NLGN1: variants seen among roughly 807,000 people sequenced by gnomAD.
The protein encoded by NLGN1 is neuroligin 1, also known as neuroligin-1.
Under a neutral mutation model 65.5 loss-of-function variants are expected in NLGN1, and 12 were observed. That is an observed-to-expected ratio of 0.18 (90% CI 0.12 to 0.30). The LOEUF is 0.30. Ranked by LOEUF, NLGN1 falls within the 10% of genes least tolerant of loss-of-function variation. The pLI, the probability that NLGN1 is intolerant of heterozygous loss-of-function variation, is 1.00. For synonymous variants in NLGN1, 350 were observed against 359.5 expected (o/e 0.97, Z 0.30); for missense variants, 750 against 1,007.1 (o/e 0.74, Z 3.46).
intron 4 of NLGN1, among the ~76,000 whole-genome samples, chr3:174,188,436 G>A (rs1234208232): frequency 2.0e-5 from 3 of 151,978 alleles, no homozygotes; most frequent in Non-Finnish European, 4.4e-5. Context: ...CTAACTACCA[G>A]TGCTTTACAG....
chr3:174,070,408 T>G (rs1338227795), intron 4 of NLGN1, among the ~76,000 whole-genome samples: 2 of 151,882 alleles, frequency 1.3e-5, no homozygotes, highest in Non-Finnish European at 2.9e-5. Context: ...CTCAGCTCAC[T>G]GCAACCTCTG....
At chr3:173,487,614 G>A (rs1728385231) in intron 2 of NLGN1, among the ~76,000 whole-genome samples, 1 of 151,754 alleles carries the variant, frequency 6.6e-6, no homozygotes, top group African/African-American at 2.4e-5. Context: ...TATAATTCAA[G>A]TTATTTATGT....
intron 4 of NLGN1, among the ~76,000 whole-genome samples, chr3:174,143,602 T>G (rs1219457387): frequency 1.3e-5 from 2 of 152,184 alleles, no homozygotes; most frequent in African/African-American, 4.8e-5. Flanking sequence ...TACTTCAGTT[T>G]GACTTTATGA....
chr3:173,903,550 TGTTACTAGAG>T (rs1560594824), intron 4 of NLGN1, among the ~76,000 whole-genome samples: 1 of 152,176 alleles, frequency 6.6e-6, no homozygotes, highest in Non-Finnish European at 1.5e-5. Flanking sequence ...TTTTCCTATT[TGTTACTAGAG>T]GTGACAGATG....
chr3:173,643,043 C>T (rs1757663684), intron 3 of NLGN1, among the ~76,000 whole-genome samples: 1 of 151,954 alleles, frequency 6.6e-6, no homozygotes, highest in South Asian at 2.1e-4. Context: ...ATGAAAAATA[C>T]ATTGAATGTG....
chr3:174,129,211 T>G (rs905198455), intron 4 of NLGN1, among the ~76,000 whole-genome samples: 1 of 151,940 alleles, frequency 6.6e-6, no homozygotes, highest in Admixed American at 6.6e-5. Context: ...CATTCAAGAC[T>G]TAGAAGTGTT....
At chr3:173,663,937 A>G (rs944219427) in intron 3 of NLGN1, among the ~76,000 whole-genome samples, 1 of 151,940 alleles carries the variant, frequency 6.6e-6, no homozygotes, top group Non-Finnish European at 1.5e-5. Flanking sequence ...ATTGTTTGAA[A>G]GAACTACAGA....
chr3:174,125,725 T>C (rs1718803004), intron 4 of NLGN1, among the ~76,000 whole-genome samples: 1 of 151,992 alleles, frequency 6.6e-6, no homozygotes, highest in Admixed American at 6.6e-5. Context: ...TATACGGTGA[T>C]AAAAGAAGCA....
At chr3:173,651,674 C>G (rs1759199003) in intron 3 of NLGN1, among the ~76,000 whole-genome samples, 1 of 151,982 alleles carries the variant, frequency 6.6e-6, no homozygotes, top group Non-Finnish European at 1.5e-5. Flanking sequence ...AAGATGATAC[C>G]TCATTGTGGT....
chr3:173,420,365 A>T (rs899733824), intron 1 of NLGN1, among the ~76,000 whole-genome samples: 41 of 152,076 alleles, frequency 2.7e-4, no homozygotes, highest in African/African-American at 9.9e-4. Context: ...GCTGAGAATG[A>T]TGGTTTCCAG....
chr3:174,293,886 CACA>C, the NLGN1 span, among the ~76,000 whole-genome samples: 1 of 151,424 alleles, frequency 6.6e-6, no homozygotes, highest in African/African-American at 2.4e-5. Flanking sequence ...TAGAAAACTA[CACA>C]ACAAAATCAA....
At chr3:173,942,882 T>C (rs919001693) in intron 4 of NLGN1, among the ~76,000 whole-genome samples, 2 of 152,196 alleles carry the variant, frequency 1.3e-5, no homozygotes, top group Admixed American at 1.3e-4. Flanking sequence ...TTATTTACTC[T>C]TTATTCTCTT....
chr3:173,460,148 A>G (rs761823753), intron 2 of NLGN1, among the ~76,000 whole-genome samples: 2 of 152,126 alleles, frequency 1.3e-5, no homozygotes, highest in Admixed American at 6.6e-5. Context: ...TTCAATTGTA[A>G]TATGTAGTTT....
At chr3:173,962,659 C>T (rs1448762396) in intron 4 of NLGN1, among the ~76,000 whole-genome samples, 4 of 152,030 alleles carry the variant, frequency 2.6e-5, no homozygotes, top group East Asian at 1.9e-4. Context: ...AAAGAATTTA[C>T]GATGTAATAA....
chr3:174,199,661 C>T (rs985703085), intron 4 of NLGN1, among the ~76,000 whole-genome samples: 4 of 152,060 alleles, frequency 2.6e-5, no homozygotes, highest in Admixed American at 2.0e-4. Flanking sequence ...ATACATGCTC[C>T]GAAAGGCTCA....
intron 3 of NLGN1, among the ~76,000 whole-genome samples, chr3:173,767,308 C>T (rs573970262): frequency 5.9e-5 from 9 of 152,018 alleles, no homozygotes; most frequent in East Asian, 3.9e-4. Flanking sequence ...GAATCTAACA[C>T]GTATTTGACA....
At chr3:173,575,125 G>T (rs1216685198) in intron 2 of NLGN1, among the ~76,000 whole-genome samples, 2 of 152,040 alleles carry the variant, frequency 1.3e-5, no homozygotes, top group East Asian at 3.9e-4. Context: ...GGCTTCAAAG[G>T]CCTTGGCCTC....
chr3:174,247,714 A>G (rs1336920162), intron 4 of NLGN1, among the ~76,000 whole-genome samples: 1 of 152,142 alleles, frequency 6.6e-6, no homozygotes, highest in Non-Finnish European at 1.5e-5. Context: ...AAGCCAACAA[A>G]CAGTCCATTA....
At chr3:174,062,896 C>T (rs1580082348) in intron 4 of NLGN1, among the ~76,000 whole-genome samples, 1 of 151,814 alleles carries the variant, frequency 6.6e-6, no homozygotes, top group East Asian at 1.9e-4. Flanking sequence ...TATTTTCTTC[C>T]CTCAGTATAA....
Sources: allele counts gnomAD v4.1 joint callset (sites outside exome capture counted in the v4.1 genomes callset), GRCh38; gene constraint gnomAD v4.1.1; transcripts MANE v1.5; gene names NCBI Gene and HGNC (gene_info 2026-07-23, HGNC 2026-07-21).